The following FANCA variants were observed in gnomAD, a reference collection of about 807,000 sequenced individuals.
FANCA encodes the protein FA complementation group A, also known as Fanconi anemia group A protein.
FANCA carries 236 observed loss-of-function variants against 194.3 expected under a neutral mutation model. The observed-to-expected ratio is 1.21, with a 90% CI of 1.09 to 1.35. The LOEUF (loss-of-function observed/expected upper bound fraction) is 1.35, where lower values mean the gene tolerates loss of function less well. Among genes scored for constraint, FANCA ranks in the 40% most tolerant of loss-of-function variants. The probability of loss-of-function intolerance (pLI) is 0.00; values close to 1 mark genes in which losing one functional copy is unlikely to be tolerated. For missense variants in FANCA, 2,628 were observed against 1,813.9 expected, an observed-to-expected ratio of 1.45 and a Z score of -8.15; for synonymous variants, 1,014 against 715.8, an observed-to-expected ratio of 1.42 and a Z score of -6.65.
At chr16:89,789,980 C>T (rs2040014394) in intron 14 of FANCA, among the ~76,000 whole-genome samples, 1 of 152,074 alleles carries the variant, frequency 6.6e-6, no homozygotes, top group Non-Finnish European at 1.5e-5. Context: ...AGTCTAATGC[C>T]CACTTAGGTT....
At chr16:89,800,548 A>C (rs1258095985) in intron 8 of FANCA, among the ~76,000 whole-genome samples, 1 of 152,238 alleles carries the variant, frequency 6.6e-6, no homozygotes, top group Non-Finnish European at 1.5e-5. Context: ...AAATAGAAAA[A>C]AAGATTCTAA....
intron 39 of FANCA, chr16:89,739,767 G>A (rs1039048298): frequency 2.7e-6 from 4 of 1,477,230 alleles, no homozygotes; most frequent in Non-Finnish European, 3.6e-6. Context: ...GTGTGGTGCA[G>A]AGAGAGGCAG....
rs933911279 is a variant in FANCA at position 89,752,139 on chromosome 16, T to C, written c.3065A>G (p.Gln1022Arg). Residue 1022 changes from glutamine to arginine, a missense_variant and splice_region_variant, in exon 31 of 43, where the codon CAG becomes CGG. Physicochemically the swap from Gln to Arg is conservative, Grantham distance 43. Coordinates refer to ENST00000389301, the MANE Select transcript of FANCA (RefSeq NM_000135.4). ...GAGTTGTGGCACCCTCAAACTCACCTGCAATCTGGAAATAATATCCTCATT... is the reference window on the plus strand; with the variant it reads ...GAGTTGTGGCACCCTCAAACTCACCCGCAATCTGGAAATAATATCCTCATT... ...TGNEDIISRL[Q>R]EMVADLELQQ... 3.7e-6 allele frequency: 6 copies of C among 1,613,856 alleles called. No homozygotes were observed. Among genetic ancestry groups the C allele is most frequent in the Non-Finnish European group, 4.2e-6 (5 of 1,179,864 alleles).
At chr16:89,815,646 G>A (rs1363377484) in intron 2 of FANCA, among the ~76,000 whole-genome samples, 3 of 152,080 alleles carry the variant, frequency 2.0e-5, no homozygotes, top group Non-Finnish European at 4.4e-5. Flanking sequence ...CTGAGCCACG[G>A]CGCCCGGCCT....
chr16:89,806,347 C>CT (rs34862478), intron 6 of FANCA, among the ~76,000 whole-genome samples: 27,598 of 110,210 alleles, frequency 0.25, 4,126 homozygotes, highest in Middle Eastern at 0.43. Context: ...CTATATCATT[C>CT]TTTTTTTTTT....
Position 89,749,859 on chromosome 16 carries a change from G to A in FANCA, c.3110C>T (p.Pro1037Leu). 3 of 1,614,210 alleles carry A rather than the reference G, an allele frequency of 1.9e-6. No homozygotes were observed. The highest frequency in any genetic ancestry group is 2.5e-6 in the Non-Finnish European group (3 of 1,180,040). ...CTCCTGGGAAGGGGTGTGGCCGAGA[G>A]GCACTATGAGGTCTTGCTGCAGCTC... Reference protein sequence around the residue: ...DLELQQDLIVPLGHTPSQEHF... With the variant: ...DLELQQDLIVLLGHTPSQEHF... Residue 1037 changes from proline (P) to leucine (L), a missense_variant, in exon 32 of 43, where the codon CCT becomes CTT. Coordinates refer to ENST00000389301, the MANE Select transcript of FANCA (RefSeq NM_000135.4).
In FANCA at chr16:89,809,505, G is replaced by T. The variant is rs527900518; in HGVS notation, c.523-1138C>A. 4.6e-5 allele frequency among the ~76,000 whole-genome samples: 7 copies of T among 152,180 alleles called. No individual in the cohort carries two copies. The South Asian group carries it at 1.5e-3, about 32-fold the overall frequency. ...AAGATGGGCAGATCACCTGAGGTCA[G>T]GAATTGAAGACCAGCCTGGCCAACA... is the stretch of plus-strand genomic sequence containing the variant. On this transcript the variant is annotated intron_variant, in intron 5 of 42. Transcript: ENST00000389301.
chr16:89,769,698 G>T, intron 26 of FANCA, 139 bp downstream of exon 26: 1 of 898,660 alleles, frequency 1.1e-6, no homozygotes, highest in Non-Finnish European at 1.8e-6. Context: ...AATTCTGGAA[G>T]GATATATACC....
chr16:89,748,634 G>C, intron 33 of FANCA, 25 bp downstream of exon 33: 1 of 1,567,470 alleles, frequency 6.4e-7, no homozygotes, highest in Non-Finnish European at 8.8e-7. Context: ...CAGATCGGAC[G>C]GACACGTGCA....
intron 14 of FANCA, among the ~76,000 whole-genome samples, chr16:89,787,262 G>A (rs540994465): frequency 6.6e-6 from 1 of 152,150 alleles, no homozygotes; most frequent in African/African-American, 2.4e-5. Context: ...GGTGGCTAGC[G>A]CCTGTGATCC....
chr16:89,744,665 G>GTTTTTTTTTTT, intron 36 of FANCA: 2 of 369,368 alleles, frequency 5.4e-6, no homozygotes, highest in Non-Finnish European at 1.0e-5. Flanking sequence ...GGCAGAGGCT[G>GTTTTTTTTTTT]TTTTTTTTTT....
intron 36 of FANCA, among the ~76,000 whole-genome samples, chr16:89,744,080 T>C (rs1204375256): frequency 6.6e-6 from 1 of 152,016 alleles, no homozygotes. Flanking sequence ...GTATTTTCAG[T>C]AGAGATTGTT....
chr16:89,809,097 G>A (rs760241783), intron 5 of FANCA, among the ~76,000 whole-genome samples: 8 of 151,816 alleles, frequency 5.3e-5, no homozygotes, highest in South Asian at 2.1e-4. Flanking sequence ...TAGTAGAGAC[G>A]GGGTTTCACC....
At chr16:89,792,788 G>A (rs1428418932) in intron 11 of FANCA, 1 of 452,388 alleles carries the variant, frequency 2.2e-6, no homozygotes, top group African/African-American at 2.0e-5. Context: ...TTATTTATTG[G>A]ATACAAAGCA....
chr16:89,783,849 C>T (rs556822919), intron 15 of FANCA, among the ~76,000 whole-genome samples: 14 of 152,132 alleles, frequency 9.2e-5, no homozygotes, highest in Admixed American at 4.6e-4. Context: ...CTGCAACCTC[C>T]GCCTCCCGGG....
chr16:89,748,151 A>AT (rs1267412986), intron 33 of FANCA, among the ~76,000 whole-genome samples: 1 of 152,130 alleles, frequency 6.6e-6, no homozygotes, highest in Non-Finnish European at 1.5e-5. Context: ...GGCTCAAGTG[A>AT]TCCCCCACCT....
At chr16:89,805,769 GAC>G (rs2040618010) in intron 6 of FANCA, among the ~76,000 whole-genome samples, 1 of 105,404 alleles carries the variant, frequency 9.5e-6, no homozygotes, top group African/African-American at 5.0e-5. Flanking sequence ...TGACTTCTTT[GAC>G]TCATTATGTT....
intron 8 of FANCA, among the ~76,000 whole-genome samples, chr16:89,799,995 G>GA (rs1035530664): frequency 1.3e-5 from 2 of 151,990 alleles, no homozygotes; most frequent in Admixed American, 6.6e-5. Flanking sequence ...CTCCGTCTCG[G>GA]AAAAAAGAAA....
At chr16:89,784,344 C>G (rs1197993977) in intron 15 of FANCA, among the ~76,000 whole-genome samples, 1 of 148,752 alleles carries the variant, frequency 6.7e-6, no homozygotes, top group Non-Finnish European at 1.5e-5. Flanking sequence ...GCACTCTAGC[C>G]TAGGCAACAG....
Sources: gnomAD v4.1 joint callset for allele counts (sites outside exome capture counted in the v4.1 genomes callset) on GRCh38, gnomAD v4.1.1 for gene constraint, MANE v1.5 for transcripts, NCBI Gene and HGNC (gene_info 2026-07-23, HGNC 2026-07-21) for gene names.